The following PRPSAP2 variants were observed in gnomAD, a reference collection of about 807,000 sequenced individuals.
The protein encoded by PRPSAP2 is phosphoribosyl pyrophosphate synthetase associated protein 2, also known as phosphoribosyl pyrophosphate synthase-associated protein 2.
PRPSAP2 carries 24 observed loss-of-function variants against 40.6 expected under a neutral mutation model. The observed-to-expected ratio is 0.59, with a 90% CI of 0.43 to 0.83. The LOEUF (loss-of-function observed/expected upper bound fraction) is 0.83, where lower values mean the gene tolerates loss of function less well. Among genes scored for constraint, PRPSAP2 ranks in the 40% least tolerant of loss-of-function variants. The pLI, the probability that PRPSAP2 is intolerant of heterozygous loss-of-function variation, is 0.00. For synonymous variants in PRPSAP2, 149 were observed against 164.7 expected (o/e 0.90, Z 0.73); for missense variants, 292 against 465.6 (o/e 0.63, Z 3.43).
intron 4 of PRPSAP2, 72 bp from the exon 5 acceptor site, chr17:18,872,511 A>T (rs2037966021): frequency 8.6e-7 from 1 of 1,165,974 alleles, no homozygotes; most frequent in Non-Finnish European, 1.3e-6. Flanking sequence ...GGAATAATAC[A>T]GATTTTTTTG....
intron 4 of PRPSAP2, among the ~76,000 whole-genome samples, chr17:18,869,624 T>G (rs1198662283): frequency 1.3e-5 from 2 of 149,494 alleles, no homozygotes; most frequent in African/African-American, 4.9e-5. Flanking sequence ...TGCCTCAGCC[T>G]CCCAAAGTGC....
chr17:18,922,228 T>G (rs1193485488), intron 9 of PRPSAP2, among the ~76,000 whole-genome samples: 1 of 152,266 alleles, frequency 6.6e-6, no homozygotes, highest in Non-Finnish European at 1.5e-5. Flanking sequence ...TTTCCACTTT[T>G]GGCTATGCTG....
intron 6 of PRPSAP2, among the ~76,000 whole-genome samples, chr17:18,881,380 G>A (rs2038724125): frequency 6.6e-6 from 1 of 151,608 alleles, no homozygotes; most frequent in African/African-American, 2.4e-5. Context: ...TGGGATTATG[G>A]GCACGTGCCA....
At chr17:18,879,171 G>A (rs1030528868) in intron 6 of PRPSAP2, among the ~76,000 whole-genome samples, 3 of 152,098 alleles carry the variant, frequency 2.0e-5, no homozygotes, top group Non-Finnish European at 4.4e-5. Flanking sequence ...TAGCCAGCCT[G>A]AATGTATATG....
rs943521957 is a variant in PRPSAP2, at chr17:18,908,286, A to G, written c.585-2817A>G. 8.4e-5 allele frequency: 65 copies of G among 774,900 alleles called. No individual in the cohort carries two copies. In the South Asian group the frequency reaches 8.5e-4, roughly 10 times the overall value. 48.0% of individuals were successfully genotyped at this position (774,900 alleles called of 1,614,324 possible). Reference sequence around the variant, plus strand: ...CTGCCGCTTTCGCAGCACGCCAAGGACACTCATGAGGACCATGATACTTCC... The same window carrying G: ...CTGCCGCTTTCGCAGCACGCCAAGGGCACTCATGAGGACCATGATACTTCC... On this transcript the variant is annotated intron_variant, in intron 8 of 11. Coordinates refer to ENST00000268835, the MANE Select transcript of PRPSAP2 (RefSeq NM_002767.4).
chr17:18,923,068 T>A (rs899438405), intron 9 of PRPSAP2, among the ~76,000 whole-genome samples: 3 of 151,104 alleles, frequency 2.0e-5, no homozygotes, highest in African/African-American at 7.3e-5. Flanking sequence ...TTTACTTTTT[T>A]ATTTTTATCT....
At chr17:18,896,161 C>T (rs2039893662) in intron 8 of PRPSAP2, among the ~76,000 whole-genome samples, 1 of 152,162 alleles carries the variant, frequency 6.6e-6, no homozygotes, top group Non-Finnish European at 1.5e-5. Flanking sequence ...GCATCAGATT[C>T]TACCTCCACC....
intron 8 of PRPSAP2, among the ~76,000 whole-genome samples, chr17:18,896,589 T>TTC (rs1231252623): frequency 6.7e-6 from 1 of 149,476 alleles, no homozygotes; most frequent in East Asian, 1.9e-4. Flanking sequence ...CCTTTTTTTT[T>TTC]TTTTTTTTTT....
intron 9 of PRPSAP2, among the ~76,000 whole-genome samples, chr17:18,913,213 T>C (rs2041069424): frequency 6.6e-6 from 1 of 152,194 alleles, no homozygotes. Flanking sequence ...GCCCTGGCAC[T>C]CTTTGGGGCA....
intron 4 of PRPSAP2, among the ~76,000 whole-genome samples, chr17:18,869,660 C>T (rs551759604): frequency 1.2e-4 from 18 of 151,002 alleles, no homozygotes; most frequent in African/African-American, 4.1e-4. Flanking sequence ...GAGCTACACA[C>T]ACACACCCAG....
At chr17:18,899,895 C>A (rs1004311324) in intron 8 of PRPSAP2, among the ~76,000 whole-genome samples, 1 of 148,358 alleles carries the variant, frequency 6.7e-6, no homozygotes, top group Admixed American at 6.8e-5. Context: ...GTTTTTGGTT[C>A]TCTTTTTTTG....
At chr17:18,912,525 C>T (rs370755262) in intron 9 of PRPSAP2, among the ~76,000 whole-genome samples, 15 of 152,086 alleles carry the variant, frequency 9.9e-5, no homozygotes, top group African/African-American at 3.1e-4. Flanking sequence ...ATGTTAACTC[C>T]GGGTAAGTCT....
rs146690247 is a variant in PRPSAP2, at chr17:18,914,812, G to A, written c.733+3561G>A. On this transcript the variant is annotated intron_variant, in intron 9 of 11. Transcript: ENST00000268835. ...CAATCTCGGCTCACTGCAACCTCCAGCTCCCGGGTTCAAGCAATTCTCATG... is the reference window on the plus strand; with the variant it reads ...CAATCTCGGCTCACTGCAACCTCCAACTCCCGGGTTCAAGCAATTCTCATG... Among the ~76,000 whole-genome samples, 1,348 of 150,246 alleles carry A rather than the reference G, an allele frequency of 9.0e-3. 13 individuals are homozygous for A. Among genetic ancestry groups the A allele is most frequent in the Non-Finnish European group, 0.015 (993 of 67,696 alleles).
intron 3 of PRPSAP2, 149 bp downstream of exon 3, chr17:18,866,101 T>C (rs2037406017): frequency 7.6e-6 from 4 of 529,570 alleles, no homozygotes; most frequent in Non-Finnish European, 1.0e-5. Flanking sequence ...ATCTTTTTTT[T>C]CATCATGCAA....
At chr17:18,871,227 C>T (rs1403988704) in intron 4 of PRPSAP2, among the ~76,000 whole-genome samples, 4 of 151,860 alleles carry the variant, frequency 2.6e-5, no homozygotes, top group African/African-American at 9.7e-5. Context: ...ACCATGTTGG[C>T]CAGGCTAGCC....
intron 8 of PRPSAP2, among the ~76,000 whole-genome samples, chr17:18,910,506 G>A (rs535871214): frequency 2.7e-4 from 41 of 151,262 alleles, no homozygotes; most frequent in African/African-American, 9.5e-4. Flanking sequence ...GTGACAGAAA[G>A]CAGATCAGCT....
At chr17:18,897,109 C>G (rs886308124) in intron 8 of PRPSAP2, among the ~76,000 whole-genome samples, 1 of 151,982 alleles carries the variant, frequency 6.6e-6, no homozygotes. Flanking sequence ...GCATGCAGCA[C>G]CATGCCTGGC....
chr17:18,912,238 C>G (rs1483052984), intron 9 of PRPSAP2, among the ~76,000 whole-genome samples: 1 of 152,058 alleles, frequency 6.6e-6, no homozygotes, highest in African/African-American at 2.4e-5. Context: ...AGGGCCTGTT[C>G]CTCGTAGATG....
In PRPSAP2 at chr17:18,930,273, C is replaced by T. The variant is rs1212197433; in HGVS notation, c.952-267C>T. On this transcript the variant is annotated intron_variant, in intron 11 of 11. Transcript: ENST00000268835. The stretch of plus-strand genomic sequence containing the variant: ...CTGTCGTCCCAGCTTACTTGGGAGG[C>T]TGAAGCAGGAGAATGGCATGAACCC... 2.8e-4 allele frequency among the ~76,000 whole-genome samples: 43 copies of T among 152,114 alleles called. 1 individual carries two copies. Among genetic ancestry groups the T allele is most frequent in the Admixed American group, 2.7e-3 (42 of 15,274 alleles).
Sources: gnomAD v4.1 joint callset for allele counts (sites outside exome capture counted in the v4.1 genomes callset) on GRCh38, gnomAD v4.1.1 for gene constraint, MANE v1.5 for transcripts, NCBI Gene and HGNC (gene_info 2026-07-23, HGNC 2026-07-21) for gene names.